The following SORCS2 variants were observed in gnomAD, a reference collection of about 807,000 sequenced individuals.
The protein encoded by SORCS2 is VPS10 domain-containing receptor SorCS2.
SORCS2 carries 100 observed loss-of-function variants against 141.6 expected under a neutral mutation model. The ratio of observed to expected loss-of-function variants is 0.71; its 90% CI spans 0.60 to 0.83. SORCS2 has a LOEUF of 0.83. SORCS2 is among the 40% of genes least tolerant of loss of function. The pLI is 0.00. For missense variants in SORCS2, 1,646 were observed against 1,560.2 expected (o/e 1.05, Z -0.93); for synonymous variants, 789 against 676.9 (o/e 1.17, Z -2.57).
intron 2 of SORCS2, among the ~76,000 whole-genome samples, chr4:7,492,936 C>T (rs952635050): frequency 6.6e-6 from 1 of 152,162 alleles, no homozygotes; most frequent in Non-Finnish European, 1.5e-5. Flanking sequence ...ACATAAGAGC[C>T]CCCCAAATAC....
chr4:7,610,027 G>A (rs1718307483), intron 3 of SORCS2, among the ~76,000 whole-genome samples: 1 of 152,298 alleles, frequency 6.6e-6, no homozygotes, highest in East Asian at 1.9e-4. Flanking sequence ...TCAATCATGA[G>A]GTTGATGATT....
intron 2 of SORCS2, among the ~76,000 whole-genome samples, chr4:7,404,611 A>T (rs1474220819): frequency 6.6e-6 from 1 of 152,150 alleles, no homozygotes; most frequent in African/African-American, 2.4e-5. Context: ...GGTGATGTTG[A>T]GCATTTTTTC....
chr4:7,236,638 G>A (rs35672857), intron 1 of SORCS2, among the ~76,000 whole-genome samples: 3,642 of 152,268 alleles, frequency 0.024, 149 homozygotes, highest in African/African-American at 0.083. Flanking sequence ...CTGGAGTGCA[G>A]TGGCACAATC....
intron 1 of SORCS2, among the ~76,000 whole-genome samples, chr4:7,295,983 C>T (rs1244607952): frequency 6.6e-6 from 1 of 152,150 alleles, no homozygotes; most frequent in African/African-American, 2.4e-5. Context: ...AGCCAGGAGT[C>T]GTGGAGCAGA....
chr4:7,518,207 G>A (rs376163031), intron 2 of SORCS2, among the ~76,000 whole-genome samples: 10 of 152,170 alleles, frequency 6.6e-5, no homozygotes, highest in Admixed American at 1.3e-4. Context: ...ATACATTAGC[G>A]TATCAGGAAG....
chr4:7,412,920 GT>G (rs1725412547), intron 2 of SORCS2, among the ~76,000 whole-genome samples: 1 of 152,118 alleles, frequency 6.6e-6, no homozygotes, highest in African/African-American at 2.4e-5. Context: ...TAGGGTCTGG[GT>G]TTTTGTGTTC....
chr4:7,729,964 C>T (rs1053689264), intron 23 of SORCS2, among the ~76,000 whole-genome samples: 13 of 152,110 alleles, frequency 8.5e-5, no homozygotes, highest in Admixed American at 1.3e-4. Context: ...CCAGGGGGCT[C>T]GCTCATTTCT....
intron 2 of SORCS2, among the ~76,000 whole-genome samples, chr4:7,419,524 C>T (rs941094150): frequency 6.6e-6 from 1 of 152,188 alleles, no homozygotes; most frequent in African/African-American, 2.4e-5. Flanking sequence ...GTGCTCCAGG[C>T]ATCCAATCCT....
intron 1 of SORCS2, among the ~76,000 whole-genome samples, chr4:7,293,555 C>T (rs1207565619): frequency 4.6e-5 from 7 of 152,152 alleles, no homozygotes; most frequent in Non-Finnish European, 8.8e-5. Flanking sequence ...AGATCTTTTC[C>T]CTAGGAGAGA....
At chr4:7,388,081 C>A (rs951562512) in intron 1 of SORCS2, among the ~76,000 whole-genome samples, 4 of 147,620 alleles carry the variant, frequency 2.7e-5, no homozygotes, top group African/African-American at 1.0e-4. Flanking sequence ...GAGATACACA[C>A]ACACATGCAC....
chr4:7,217,485 C>T (rs931624219), intron 1 of SORCS2, among the ~76,000 whole-genome samples: 9 of 152,316 alleles, frequency 5.9e-5, no homozygotes, highest in Non-Finnish European at 1.0e-4. Flanking sequence ...GCAGGAGGCT[C>T]GCAGGCTACA....
chr4:7,305,223 G>A (rs1195522492), intron 1 of SORCS2, among the ~76,000 whole-genome samples: 1 of 152,118 alleles, frequency 6.6e-6, no homozygotes, highest in Non-Finnish European at 1.5e-5. Context: ...AGTAGAGATG[G>A]GGTTTCACCG....
At chr4:7,353,967 C>G (rs1284717141) in intron 1 of SORCS2, among the ~76,000 whole-genome samples, 1 of 152,186 alleles carries the variant, frequency 6.6e-6, no homozygotes, top group Non-Finnish European at 1.5e-5. Context: ...TCCCTGTTCC[C>G]TACTGGCAGC....
At chr4:7,697,320 G>T in intron 12 of SORCS2, 46 bp downstream of exon 12, 1 of 1,472,832 alleles carries the variant, frequency 6.8e-7, no homozygotes, top group South Asian at 1.2e-5. Context: ...CCATCCAGCC[G>T]GGACCCTCAG....
At chr4:7,514,153 T>C (rs1345322720) in intron 2 of SORCS2, among the ~76,000 whole-genome samples, 3 of 152,106 alleles carry the variant, frequency 2.0e-5, no homozygotes, top group South Asian at 2.1e-4. Flanking sequence ...GACAGCTCCA[T>C]GGCATGAAGC....
intron 3 of SORCS2, among the ~76,000 whole-genome samples, chr4:7,602,487 G>A (rs1356614637): frequency 6.8e-6 from 1 of 147,952 alleles, no homozygotes; most frequent in Non-Finnish European, 1.5e-5. Flanking sequence ...GGGGCGGCGG[G>A]GCAGAGGCGC....
At chr4:7,556,704 C>A (rs1425614962) in intron 3 of SORCS2, among the ~76,000 whole-genome samples, 2 of 151,742 alleles carry the variant, frequency 1.3e-5, no homozygotes, top group Admixed American at 6.6e-5. Context: ...TTCCACCTAC[C>A]CATCCACCAT....
intron 1 of SORCS2, among the ~76,000 whole-genome samples, chr4:7,383,092 G>A (rs927965882): frequency 2.0e-5 from 3 of 152,106 alleles, no homozygotes; most frequent in African/African-American, 4.8e-5. Flanking sequence ...CATGCCCCGC[G>A]GGGCTGCTGA....
chr4:7,509,608 A>T (rs530573609), intron 2 of SORCS2, among the ~76,000 whole-genome samples: 78 of 152,314 alleles, frequency 5.1e-4, no homozygotes, highest in African/African-American at 1.9e-3. Flanking sequence ...CACAGCCCAC[A>T]GGGGGCTGGG....
Sources: gnomAD v4.1 joint callset for allele counts (sites outside exome capture counted in the v4.1 genomes callset) on GRCh38, gnomAD v4.1.1 for gene constraint, MANE v1.5 for transcripts, NCBI Gene and HGNC (gene_info 2026-07-23, HGNC 2026-07-21) for gene names.